Variants in NMT1 observed in about 807,000 individuals in gnomAD.
NMT1 encodes the protein N-myristoyltransferase 1, also known as glycylpeptide N-tetradecanoyltransferase 1.
A neutral mutation model predicts 63.4 loss-of-function variants in NMT1; 12 were observed. That is an observed-to-expected ratio of 0.19 (90% CI 0.12 to 0.31). NMT1 has a LOEUF of 0.31. Ranked by LOEUF, NMT1 falls within the 10% of genes least tolerant of loss-of-function variation. NMT1 has a pLI of 1.00. For synonymous variants in NMT1, 228 were observed against 234.3 expected, an observed-to-expected ratio of 0.97 and a Z score of 0.25; for missense variants, 432 against 634.6, an observed-to-expected ratio of 0.68 and a Z score of 3.43.
rs905853614 is a variant in NMT1, at chr17:45,103,517, C to T, written c.1165-192C>T. On this transcript the variant is annotated intron_variant, in intron 9 of 11. Coordinates refer to ENST00000258960, the MANE Select transcript of NMT1 (RefSeq NM_021079.5). The surrounding 1 kb of genome is among the most constrained non-coding windows in gnomAD (Gnocchi z 4.8). ...GGAAAGAGGTCTGGCAGGTTCAGCC[C>T]ACGATCACGGCTCTGTCCTCAAGTG... 6.6e-6 allele frequency among the ~76,000 whole-genome samples: 1 copy of T among 152,102 alleles called. No homozygotes were observed. Among genetic ancestry groups the T allele is most frequent in the South Asian group, 2.1e-4 (1 of 4,824 alleles).
rs1208541874 is a variant in NMT1 at position 45,067,874 on chromosome 17, C to T, written c.131+6414C>T. Among the ~76,000 whole-genome samples, 7 of 152,224 alleles carry T rather than the reference C, an allele frequency of 4.6e-5. No individual in the cohort carries two copies. The East Asian group carries it at 7.7e-4, about 17-fold the overall frequency. Reference sequence around the variant, plus strand: ...TAAATGAGAGCCTATTTCAGGGACTCGCTGCTCATGGCACAGCAGTTTTGC... The same window carrying T: ...TAAATGAGAGCCTATTTCAGGGACTTGCTGCTCATGGCACAGCAGTTTTGC... On this transcript the variant is annotated intron_variant, in intron 1 of 11. Transcript: ENST00000258960.
chr17:45,100,174 G>A (rs1244903464), intron 8 of NMT1, among the ~76,000 whole-genome samples: 1 of 151,984 alleles, frequency 6.6e-6, no homozygotes, highest in Non-Finnish European at 1.5e-5. Context: ...CTGCAGCCTC[G>A]ACCTCCCAGA....
intron 3 of NMT1, among the ~76,000 whole-genome samples, chr17:45,088,787 G>T (rs901460682): frequency 1.3e-5 from 2 of 151,600 alleles, no homozygotes; most frequent in East Asian, 3.9e-4. Context: ...AAAAGAGGCA[G>T]CTTGGGATTA....
At chr17:45,095,151 G>T (rs1038728837) in intron 4 of NMT1, among the ~76,000 whole-genome samples, 2 of 147,552 alleles carry the variant, frequency 1.4e-5, no homozygotes, top group African/African-American at 5.1e-5. Flanking sequence ...CTGTTGCTCA[G>T]ACTGGAGTGC....
At chr17:45,098,266 A>G in intron 6 of NMT1, 116 bp from the exon 7 acceptor site, 2 of 945,962 alleles carry the variant, frequency 2.1e-6, no homozygotes, top group South Asian at 1.5e-5. Flanking sequence ...GGTGGCAGCT[A>G]AAAGTACACC....
chr17:45,068,193 A>G (rs962395998), intron 1 of NMT1, among the ~76,000 whole-genome samples: 2 of 152,322 alleles, frequency 1.3e-5, no homozygotes, highest in African/African-American at 4.8e-5. Flanking sequence ...ATTCCTCCAT[A>G]GGCTCAGTAT....
chr17:45,100,457 A>G (rs2054154334), intron 8 of NMT1, among the ~76,000 whole-genome samples: 2 of 151,644 alleles, frequency 1.3e-5, no homozygotes, highest in Non-Finnish European at 2.9e-5. Context: ...AGTCCCAGCT[A>G]CTTGGGAGGC....
chr17:45,077,062 A>G (rs1246327618), intron 1 of NMT1, among the ~76,000 whole-genome samples: 1 of 152,176 alleles, frequency 6.6e-6, no homozygotes, highest in Non-Finnish European at 1.5e-5. Flanking sequence ...GGTAGTTTTT[A>G]CAGTGATTTT....
chr17:45,083,351 A>T (rs564272726), intron 2 of NMT1, among the ~76,000 whole-genome samples: 103 of 152,108 alleles, frequency 6.8e-4, no homozygotes, highest in Admixed American at 1.5e-3. Flanking sequence ...AAAATTTAAA[A>T]AAAGGAACAG....
chr17:45,073,350 G>A (rs532712256), intron 1 of NMT1, among the ~76,000 whole-genome samples: 3 of 152,010 alleles, frequency 2.0e-5, no homozygotes, highest in African/African-American at 7.2e-5. Flanking sequence ...CCCAGGAGGC[G>A]GAGGTTGCAG....
intron 2 of NMT1, chr17:45,083,862 T>G (rs541472283): frequency 6.6e-6 from 1 of 152,194 alleles, no homozygotes; most frequent in African/African-American, 2.4e-5. Flanking sequence ...CTGCCTGCCA[T>G]GGCCTCCTAA....
chr17:45,068,534 C>G (rs2053917631), intron 1 of NMT1, among the ~76,000 whole-genome samples: 1 of 152,218 alleles, frequency 6.6e-6, no homozygotes, highest in African/African-American at 2.4e-5. Flanking sequence ...TGAGGAGTCA[C>G]TATGGTTAAG....
intron 4 of NMT1, 94 bp from the exon 5 acceptor site, chr17:45,096,100 C>G: frequency 6.7e-5 from 62 of 927,826 alleles, no homozygotes; most frequent in East Asian, 7.6e-5. Flanking sequence ...TGGTAGTTTG[C>G]TTCATCCTTC....
intron 8 of NMT1, among the ~76,000 whole-genome samples, chr17:45,100,752 A>G (rs1017070276): frequency 4.8e-5 from 7 of 146,622 alleles, no homozygotes; most frequent in Non-Finnish European, 9.0e-5. Context: ...AGTCCCAGCT[A>G]CTTGGGAGGC....
chr17:45,096,562 G>A (rs769682508), intron 5 of NMT1, among the ~76,000 whole-genome samples: 2 of 152,174 alleles, frequency 1.3e-5, no homozygotes, highest in Non-Finnish European at 2.9e-5. Flanking sequence ...GAAAGGAACG[G>A]GCATGAGACC....
intron 1 of NMT1, among the ~76,000 whole-genome samples, chr17:45,065,387 G>T (rs1438926056): frequency 6.6e-6 from 1 of 152,068 alleles, no homozygotes; most frequent in African/African-American, 2.4e-5. Context: ...ACTTTGGGAG[G>T]CTAAGGCGGG....
Position 45,097,120 on chromosome 17 carries a change from T to C in NMT1, c.597-8T>C. 1.2e-6 allele frequency: 2 copies of C among 1,612,714 alleles called. No homozygotes were observed. Among genetic ancestry groups the C allele is most frequent in the Non-Finnish European group, 1.7e-6 (2 of 1,178,842 alleles). On this transcript the variant is annotated splice_region_variant and splice_polypyrimidine_tract_variant and intron_variant, in intron 5 of 11. Transcript: ENST00000258960. ...AGCAGCACAACCACCCCAGCCTCTC[T>C]TTTCCAGGGCTCTCCGGCCACCCGG...
intron 3 of NMT1, among the ~76,000 whole-genome samples, chr17:45,089,969 A>T (rs765436471): frequency 9.2e-5 from 14 of 152,020 alleles, no homozygotes; most frequent in East Asian, 1.9e-4. Flanking sequence ...GCTTAAAATT[A>T]TCCTAGGTTT....
At chr17:45,063,006 C>T (rs2053877041) in intron 1 of NMT1, among the ~76,000 whole-genome samples, 1 of 151,832 alleles carries the variant, frequency 6.6e-6, no homozygotes, top group Admixed American at 6.6e-5. Context: ...AGATCGAGAC[C>T]ATCCTGGCTA....
Sources: allele counts gnomAD v4.1 joint callset (sites outside exome capture counted in the v4.1 genomes callset), GRCh38; gene constraint gnomAD v4.1.1; non-coding constraint Gnocchi (gnomAD v3.1); transcripts MANE v1.5; gene names NCBI Gene and HGNC (gene_info 2026-07-23, HGNC 2026-07-21).